The following ZSCAN25 variants were observed in gnomAD, a reference collection of about 807,000 sequenced individuals.
The protein encoded by ZSCAN25 is zinc finger and SCAN domain-containing protein 25.
A neutral mutation model predicts 38.7 loss-of-function variants in ZSCAN25; 27 were observed. The observed-to-expected ratio is 0.70, with a 90% CI of 0.51 to 0.96. ZSCAN25 has a LOEUF of 0.96. Ranked by LOEUF, ZSCAN25 falls within the 40% of genes least tolerant of loss-of-function variation. The pLI, the probability that ZSCAN25 is intolerant of heterozygous loss-of-function variation, is 0.00. For missense variants in ZSCAN25, 637 were observed against 705.9 expected (o/e 0.90, Z 1.11); for synonymous variants, 273 against 277.7 (o/e 0.98, Z 0.17).
the ZSCAN25 span, among the ~76,000 whole-genome samples, chr7:99,731,518 GGGATTCTCATCCTA>G: frequency 1.3e-5 from 2 of 152,136 alleles, no homozygotes; most frequent in African/African-American, 4.8e-5. Flanking sequence ...CCCTGATTTT[GGGATTCTCATCCTA>G]GGTAGAAAGA....
At chr7:99,654,041 G>C in the ZSCAN25 span, among the ~76,000 whole-genome samples, 1 of 152,008 alleles carries the variant, frequency 6.6e-6, no homozygotes, top group Non-Finnish European at 1.5e-5. Context: ...ATCCAGTCTT[G>C]TGAGCAATAA....
the ZSCAN25 span, chr7:99,717,415 G>A: frequency 6.3e-7 from 1 of 1,579,662 alleles, no homozygotes; most frequent in Non-Finnish European, 8.7e-7. Context: ...TTTTTAGGAA[G>A]CTCAAATTCA....
intron 5 of ZSCAN25, 32 bp from the exon 6 acceptor site, chr7:99,622,517 T>G: frequency 2.5e-6 from 4 of 1,605,024 alleles, no homozygotes; most frequent in Non-Finnish European, 3.4e-6. Flanking sequence ...CTGATCCTTC[T>G]GATCTTTCTC....
the ZSCAN25 span, among the ~76,000 whole-genome samples, chr7:99,722,676 C>T: frequency 6.6e-6 from 1 of 152,246 alleles, no homozygotes; most frequent in South Asian, 2.1e-4. Context: ...CTTGAATGAT[C>T]ACCTCTAGGG....
chr7:99,667,890 A>T, the ZSCAN25 span, among the ~76,000 whole-genome samples: 1 of 152,224 alleles, frequency 6.6e-6, no homozygotes. Flanking sequence ...GAACTAAAAA[A>T]TGCCCACTCT....
the ZSCAN25 span, among the ~76,000 whole-genome samples, chr7:99,687,031 A>G: frequency 2.6e-5 from 4 of 152,192 alleles, no homozygotes; most frequent in Non-Finnish European, 5.9e-5. Context: ...GTACATCACC[A>G]TCATCAAAGA....
At chr7:99,730,838 A>G in the ZSCAN25 span, 4 of 533,424 alleles carry the variant, frequency 7.5e-6, no homozygotes, top group African/African-American at 1.9e-5. Flanking sequence ...TGCTGGATCT[A>G]CTTGACATTT....
chr7:99,695,989 A>G, the ZSCAN25 span: 797 of 655,504 alleles, frequency 1.2e-3, 2 homozygotes, highest in Admixed American at 1.6e-3. Flanking sequence ...AGCAATGATT[A>G]TATTTGTACA....
chr7:99,726,405 T>G, the ZSCAN25 span, among the ~76,000 whole-genome samples: 1 of 152,266 alleles, frequency 6.6e-6, no homozygotes, highest in Non-Finnish European at 1.5e-5. Flanking sequence ...TTGTTCAGGA[T>G]CTGCGCCTTA....
the ZSCAN25 span, among the ~76,000 whole-genome samples, chr7:99,697,749 C>T: frequency 1.2e-4 from 19 of 152,128 alleles, no homozygotes; most frequent in Non-Finnish European, 2.5e-4. Flanking sequence ...TTGGAGATCC[C>T]AGCAGAGGCA....
the ZSCAN25 span, among the ~76,000 whole-genome samples, chr7:99,699,216 C>T: frequency 6.6e-6 from 1 of 152,172 alleles, no homozygotes; most frequent in African/African-American, 2.4e-5. Context: ...TGCTAGCCTC[C>T]CAGAGACGGG....
chr7:99,658,188 A>G, the ZSCAN25 span, among the ~76,000 whole-genome samples: 2 of 152,160 alleles, frequency 1.3e-5, no homozygotes, highest in Admixed American at 1.3e-4. Context: ...GATGGTCTTT[A>G]CAATTTGGCA....
downstream of ZSCAN25, among the ~76,000 whole-genome samples, chr7:99,636,622 C>T (rs1401655061): frequency 1.3e-5 from 2 of 152,194 alleles, no homozygotes; most frequent in Non-Finnish European, 2.9e-5. Flanking sequence ...ACTGCCTTTG[C>T]AGTCTACATT....
At chr7:99,662,720 T>C in the ZSCAN25 span, 1 of 1,246,760 alleles carries the variant, frequency 8.0e-7, no homozygotes, top group Non-Finnish European at 1.2e-6. This position sits in a 1 kb window ranked among gnomAD's most constrained non-coding sequence, Gnocchi z 4.3. Flanking sequence ...GTGGCAAAAA[T>C]TCTCATCTTC....
rs138443336 is a variant in ZSCAN25 at position 99,627,506 on chromosome 7, G to T, written c.806-1685G>T. 3.3e-5 allele frequency among the ~76,000 whole-genome samples: 5 copies of T among 152,056 alleles called. No individual in the cohort carries two copies. In the East Asian group the frequency reaches 9.6e-4, roughly 29 times the overall value. On this transcript the variant is annotated intron_variant, in intron 7 of 7. Coordinates refer to ENST00000394152, the MANE Select transcript of ZSCAN25 (RefSeq NM_145115.3). Reference sequence around the variant, plus strand: ...TGGAATACTGTATACCAATGAAAAAGAATAAACTACAGCTTCACACCATGA... The same window carrying T: ...TGGAATACTGTATACCAATGAAAAATAATAAACTACAGCTTCACACCATGA...
At chr7:99,665,099 T>C in the ZSCAN25 span, 1 of 1,303,700 alleles carries the variant, frequency 7.7e-7, no homozygotes, top group Non-Finnish European at 1.1e-6. Flanking sequence ...AATTATACGA[T>C]ATGTGAATTA....
chr7:99,648,664 GTTT>G, the ZSCAN25 span, among the ~76,000 whole-genome samples: 61 of 141,402 alleles, frequency 4.3e-4, no homozygotes, highest in Admixed American at 9.2e-4. Context: ...GTGGACTCGT[GTTT>G]TTTTTTTTTT....
At chr7:99,712,830 T>C in the ZSCAN25 span, among the ~76,000 whole-genome samples, 2 of 152,180 alleles carry the variant, frequency 1.3e-5, no homozygotes, top group Admixed American at 1.3e-4. Flanking sequence ...TTGCCACTCA[T>C]AGTAACAATG....
chr7:99,658,078 T>C, the ZSCAN25 span, among the ~76,000 whole-genome samples: 2 of 152,248 alleles, frequency 1.3e-5, no homozygotes, highest in African/African-American at 4.8e-5. Context: ...TTAGCCCGTT[T>C]ACATTTAAGG....
Sources: gnomAD v4.1 joint callset for allele counts (sites outside exome capture counted in the v4.1 genomes callset) on GRCh38, gnomAD v4.1.1 for gene constraint, Gnocchi (gnomAD v3.1) non-coding constraint, MANE v1.5 for transcripts, NCBI Gene and HGNC (gene_info 2026-07-23, HGNC 2026-07-21) for gene names.